The following COG6 variants were observed in gnomAD, a reference collection of about 807,000 sequenced individuals.
COG6 encodes the protein component of oligomeric golgi complex 6.
Under a neutral mutation model 88.8 loss-of-function variants are expected in COG6, and 74 were observed. That is an observed-to-expected ratio of 0.83 (90% CI 0.69 to 1.01). The LOEUF (loss-of-function observed/expected upper bound fraction) is 1.01, where lower values mean the gene tolerates loss of function less well. Ranked by LOEUF, COG6 falls within the 50% of genes least tolerant of loss-of-function variation. The pLI is 0.00. For synonymous variants in COG6, 286 were observed against 278.7 expected, an observed-to-expected ratio of 1.03 and a Z score of -0.26; for missense variants, 800 against 797.9, an observed-to-expected ratio of 1.00 and a Z score of -0.03.
chr13:39,778,332 G>A (rs1195004373), intron 18 of COG6, among the ~76,000 whole-genome samples: 1 of 152,188 alleles, frequency 6.6e-6, no homozygotes, highest in Non-Finnish European at 1.5e-5. Context: ...AGGCAGCATA[G>A]GGCAAAAGGC....
chr13:39,698,120 A>G (rs1401960671), intron 12 of COG6, among the ~76,000 whole-genome samples: 2 of 152,026 alleles, frequency 1.3e-5, no homozygotes, highest in Non-Finnish European at 2.9e-5. Flanking sequence ...TGAGTGTTCA[A>G]TAAACGTTAG....
chr13:39,673,063 A>C lies in COG6; in HGVS notation c.429-4405A>C, dbSNP rs560459088. Reference sequence around the variant, plus strand: ...AAATGTCTATTTACGTCCTTTACCCATTTTTTAATTTAGGTTATTTGTGTT... The same window carrying C: ...AAATGTCTATTTACGTCCTTTACCCCTTTTTTAATTTAGGTTATTTGTGTT... On this transcript the variant is annotated intron_variant, in intron 4 of 18. Coordinates refer to ENST00000455146, the MANE Select transcript of COG6 (RefSeq NM_020751.3). 7.4e-4 allele frequency among the ~76,000 whole-genome samples: 112 copies of C among 151,888 alleles called. 2 individuals carry two copies. The South Asian group carries it at 0.022, about 30-fold the overall frequency.
At chr13:39,709,429 C>T (rs1432035433) in intron 13 of COG6, among the ~76,000 whole-genome samples, 1 of 152,002 alleles carries the variant, frequency 6.6e-6, no homozygotes, top group East Asian at 1.9e-4. Flanking sequence ...GGTAATTTCT[C>T]ATCCCCCATT....
intron 18 of COG6, among the ~76,000 whole-genome samples, chr13:39,768,017 A>C (rs1881216511): frequency 6.6e-6 from 1 of 152,182 alleles, no homozygotes; most frequent in South Asian, 2.1e-4. Flanking sequence ...GCTGTCCATT[A>C]GGAACCAGGG....
intron 11 of COG6, among the ~76,000 whole-genome samples, chr13:39,690,881 A>G (rs1363744339): frequency 6.6e-6 from 1 of 151,966 alleles, no homozygotes; most frequent in Admixed American, 6.6e-5. Flanking sequence ...GTAGACATAT[A>G]TAACTTATAT....
At chr13:39,738,210 AG>A (rs1197072939) in intron 18 of COG6, among the ~76,000 whole-genome samples, 1 of 152,092 alleles carries the variant, frequency 6.6e-6, no homozygotes, top group Non-Finnish European at 1.5e-5. Context: ...CGATCTCTGG[AG>A]GCTTCTATTT....
At chr13:39,776,410 C>T (rs1259778101) in intron 18 of COG6, among the ~76,000 whole-genome samples, 1 of 152,172 alleles carries the variant, frequency 6.6e-6, no homozygotes, top group Non-Finnish European at 1.5e-5. Flanking sequence ...TCAGAATAAT[C>T]AGGTTTTGTC....
intron 18 of COG6, among the ~76,000 whole-genome samples, chr13:39,769,547 A>G (rs564142888): frequency 6.6e-6 from 1 of 152,358 alleles, no homozygotes; most frequent in South Asian, 2.1e-4. Flanking sequence ...GTGCAAAGCC[A>G]GGTAATCTAG....
chr13:39,712,074 G>A lies in COG6; in HGVS notation c.1285-7162G>A, dbSNP rs887301673. Among the ~76,000 whole-genome samples, 6 of 152,232 alleles carry A rather than the reference G, an allele frequency of 3.9e-5. 1 individual carries two copies. The South Asian group carries it at 1.0e-3, about 26-fold the overall frequency. On this transcript the variant is annotated intron_variant, in intron 13 of 18. Transcript: ENST00000455146. Reference sequence around the variant, plus strand: ...GGGGTTTCGCCATATTGGCCAGGTTGGTCTCGAACTCCTGACCTCAGGCGA... The same window carrying A: ...GGGGTTTCGCCATATTGGCCAGGTTAGTCTCGAACTCCTGACCTCAGGCGA...
chr13:39,674,683 G>A (rs1381352399), intron 4 of COG6, among the ~76,000 whole-genome samples: 1 of 152,166 alleles, frequency 6.6e-6, no homozygotes, highest in Admixed American at 6.5e-5. Flanking sequence ...TAAGCAATTT[G>A]TAAGCTTTAA....
chr13:39,730,478 A>T (rs1879372451), intron 18 of COG6, among the ~76,000 whole-genome samples: 1 of 152,192 alleles, frequency 6.6e-6, no homozygotes, highest in East Asian at 1.9e-4. Context: ...CATATTTAAG[A>T]TTTAACGTCA....
chr13:39,759,811 A>T (rs1373691143), intron 18 of COG6, among the ~76,000 whole-genome samples: 2 of 152,214 alleles, frequency 1.3e-5, no homozygotes, highest in Non-Finnish European at 2.9e-5. Flanking sequence ...CTTAGCACTG[A>T]CAATTTAATA....
intron 18 of COG6, among the ~76,000 whole-genome samples, chr13:39,734,985 A>G (rs78823244): frequency 0.017 from 2,512 of 150,744 alleles, 90 homozygotes; most frequent in African/African-American, 0.058. Context: ...TTTTCAGTCT[A>G]TGTCTGCTTT....
chr13:39,686,884 C>G (rs1424336442), intron 8 of COG6, among the ~76,000 whole-genome samples: 1 of 152,000 alleles, frequency 6.6e-6, no homozygotes, highest in Non-Finnish European at 1.5e-5. Flanking sequence ...CATGCACCAC[C>G]ATGCCTGGCT....
chr13:39,684,452 G>A (rs1009652197), intron 8 of COG6, among the ~76,000 whole-genome samples: 7 of 151,154 alleles, frequency 4.6e-5, no homozygotes, highest in East Asian at 1.9e-4. Flanking sequence ...GGGTTTCACC[G>A]TGTTAGCCAG....
intron 18 of COG6, among the ~76,000 whole-genome samples, chr13:39,758,239 A>AC (rs1208990977): frequency 1.2e-4 from 18 of 148,628 alleles, no homozygotes; most frequent in Admixed American, 8.1e-4. Flanking sequence ...AAAAAAAAAA[A>AC]AAATGACGAG....
At chr13:39,691,753 C>T (rs373995531) in intron 11 of COG6, among the ~76,000 whole-genome samples, 7 of 151,702 alleles carry the variant, frequency 4.6e-5, no homozygotes, top group South Asian at 4.1e-4. Flanking sequence ...AAAAAAATTT[C>T]GACTTTAATT....
chr13:39,660,737 G>A, intron 2 of COG6, 73 bp from the exon 3 acceptor site: 1 of 989,226 alleles, frequency 1.0e-6, no homozygotes. Context: ...ACTAAAATAA[G>A]GATTTAGCTA....
At chr13:39,667,860 A>G (rs1447449690) in intron 4 of COG6, among the ~76,000 whole-genome samples, 1 of 152,202 alleles carries the variant, frequency 6.6e-6, no homozygotes, top group Non-Finnish European at 1.5e-5. Context: ...CAAATATTTG[A>G]TGATCTTTCC....
Sources: gnomAD v4.1 joint callset for allele counts (sites outside exome capture counted in the v4.1 genomes callset) on GRCh38, gnomAD v4.1.1 for gene constraint, MANE v1.5 for transcripts, NCBI Gene and HGNC (gene_info 2026-07-23, HGNC 2026-07-21) for gene names.